The following MED13L variants were observed in gnomAD, a reference collection of about 807,000 sequenced individuals.
MED13L encodes the protein mediator of RNA polymerase II transcription subunit 13-like.
In MED13L, 7 loss-of-function variants were observed where a neutral mutation model predicts 220.9. That is an observed-to-expected ratio of 0.03 (90% CI 0.02 to 0.06). The LOEUF (loss-of-function observed/expected upper bound fraction) is 0.06, where lower values mean the gene tolerates loss of function less well. Among genes scored for constraint, MED13L ranks in the 10% least tolerant of loss-of-function variants. The pLI, the probability that MED13L is intolerant of heterozygous loss-of-function variation, is 1.00. For missense variants in MED13L, 1,965 were observed against 2,760.5 expected (o/e 0.71, Z 6.46); for synonymous variants, 1,011 against 1,015.2 (o/e 1.00, Z 0.08).
At chr12:116,034,745 C>T (rs549945477) in intron 4 of MED13L, among the ~76,000 whole-genome samples, 108 of 152,304 alleles carry the variant, frequency 7.1e-4, no homozygotes, top group Non-Finnish European at 1.4e-3. Context: ...CTGGGTCACA[C>T]CTGTAATCCC....
chr12:115,961,965 C>CAA (rs1291814238), intron 30 of MED13L, among the ~76,000 whole-genome samples: 1 of 116,930 alleles, frequency 8.6e-6, no homozygotes. Context: ...ACTCCGTCTC[C>CAA]AAAAAAAAAA....
chr12:116,010,610 G>A (rs902014032), intron 9 of MED13L, among the ~76,000 whole-genome samples: 1 of 152,134 alleles, frequency 6.6e-6, no homozygotes, highest in African/African-American at 2.4e-5. Context: ...GCAGGCAGTG[G>A]GAAAATCAGA....
chr12:116,119,823 AAAAAAAAAAAAAAAAAT>A (rs1326107323), intron 2 of MED13L, among the ~76,000 whole-genome samples: 1 of 104,782 alleles, frequency 9.5e-6, no homozygotes, highest in Non-Finnish European at 2.0e-5. Context: ...AAAAAAAAAA[AAAAAAAAAAAAAAAAAT>A]ATATATATAT....
chr12:115,990,652 T>C (rs1592922784), intron 17 of MED13L, among the ~76,000 whole-genome samples: 1 of 152,076 alleles, frequency 6.6e-6, no homozygotes, highest in African/African-American at 2.4e-5. Flanking sequence ...ATGGAAGAGG[T>C]TCCTTGGAAA....
chr12:116,172,108 T>A lies in MED13L; in HGVS notation c.311-60596A>T, dbSNP rs1159740692. ...TAAAACTGCAGCTCATCATTCTGGT[T>A]CAAACAACTCAATGAAGATCCACTT... On this transcript the variant is annotated intron_variant, in intron 2 of 30. Coordinates refer to ENST00000281928, the MANE Select transcript of MED13L (RefSeq NM_015335.5). 2.6e-5 allele frequency among the ~76,000 whole-genome samples: 4 copies of A among 152,146 alleles called. No individual in the cohort carries two copies. The East Asian group carries it at 7.7e-4, about 29-fold the overall frequency.
chr12:116,182,007 T>C (rs1593138421), intron 2 of MED13L, among the ~76,000 whole-genome samples: 1 of 152,196 alleles, frequency 6.6e-6, no homozygotes, highest in Non-Finnish European at 1.5e-5. Flanking sequence ...GCTGTTTCCA[T>C]AGTGAAGTCT....
intron 14 of MED13L, among the ~76,000 whole-genome samples, chr12:115,998,814 T>C (rs1398849780): frequency 6.6e-6 from 1 of 152,214 alleles, no homozygotes; most frequent in Non-Finnish European, 1.5e-5. Context: ...CCATTAGCGA[T>C]GCTCCACTGC....
At chr12:116,058,325 C>CTTCCA in intron 4 of MED13L, among the ~76,000 whole-genome samples, 1 of 152,172 alleles carries the variant, frequency 6.6e-6, no homozygotes, top group East Asian at 1.9e-4. Context: ...AAACAATATG[C>CTTCCA]TTCCATGTGT....
At chr12:116,185,729 C>T (rs186449328) in intron 2 of MED13L, among the ~76,000 whole-genome samples, 1 of 149,072 alleles carries the variant, frequency 6.7e-6, no homozygotes, top group African/African-American at 2.5e-5. Flanking sequence ...AAGAGTCTCG[C>T]TCTGTCACCC....
Position 115,975,737 on chromosome 12 carries a change from C to G in MED13L, c.5366G>C (p.Arg1789Pro), listed in dbSNP as rs771203651. 2 of 1,613,398 alleles carry G rather than the reference C, an allele frequency of 1.2e-6. No homozygotes were observed. The highest frequency in any genetic ancestry group is 1.7e-6 in the Non-Finnish European group (2 of 1,179,868). Residue 1789 changes from arginine (R) to proline (P), a missense_variant and splice_region_variant, in exon 24 of 31, where the codon CGG becomes CCG. This residue lies in a region of MED13L where 510 missense variants were observed against 620.4 expected (regional missense o/e 0.82). Coordinates refer to ENST00000281928, the MANE Select transcript of MED13L (RefSeq NM_015335.5). ...SIEMTLKNPE[R>P]PSPIQLYSPP... ...GGAGTAAAGCTGGATTGGGCTGGGC[C>G]GCTGAAATCAAAACCAAAATCAATA...
At chr12:116,062,696 C>A (rs1439285421) in intron 4 of MED13L, among the ~76,000 whole-genome samples, 1 of 152,052 alleles carries the variant, frequency 6.6e-6, no homozygotes. Context: ...CCATATTGGC[C>A]AGGATGGTCT....
chr12:116,061,032 T>C (rs1869430265), intron 4 of MED13L, among the ~76,000 whole-genome samples: 1 of 152,166 alleles, frequency 6.6e-6, no homozygotes, highest in Non-Finnish European at 1.5e-5. Flanking sequence ...GAGACTCCAC[T>C]CATGCCAATA....
At chr12:116,273,894 T>C (rs1873599393) in intron 1 of MED13L, among the ~76,000 whole-genome samples, 1 of 152,232 alleles carries the variant, frequency 6.6e-6, no homozygotes, top group South Asian at 2.1e-4. Flanking sequence ...CTCACAAGAA[T>C]GAGTTCACAT....
rs1280691679 is a variant in MED13L at position 115,996,554 on chromosome 12, C to T, written c.2918G>A (p.Arg973Gln). ...TTTAGGAGGAATTGCCCATGAAGGC[C>T]GAAACAGACAGGCATCAGGTATCTT... ...PLKIPDACLF[R>Q]PSWAIPPKIE... The change falls in exon 16 of 31, where the codon CGG becomes CAG. Residue 973 changes from arginine (R) to glutamine (Q), a missense_variant. Around this residue, in one of 10 missense-constraint regions of MED13L, gnomAD observed 233 missense variants for 306.2 expected, o/e 0.76. Transcript: ENST00000281928. The T allele has an allele frequency of 3.1e-6, 5 of 1,613,948 alleles. No homozygotes were observed. The highest frequency in any genetic ancestry group is 2.2e-5 in the East Asian group (1 of 44,882).
intron 30 of MED13L, chr12:115,962,811 T>G (rs937209905): frequency 1.2e-5 from 2 of 162,254 alleles, no homozygotes; most frequent in African/African-American, 4.8e-5. Flanking sequence ...GATCATGAGG[T>G]CAGATCGAGA....
Position 116,277,017 on chromosome 12 carries a change from C to CG in MED13L, c.72+42_72+43insC, listed in dbSNP as rs764028243. Reference sequence around the variant, plus strand: ...CGGCGGCGGAGGTCGGGGACCCCCCCCCTTCCCCGGCACAGCCCCCTCCCC... The same window carrying CG: ...CGGCGGCGGAGGTCGGGGACCCCCCCGCCTTCCCCGGCACAGCCCCCTCCCC... On this transcript the variant is annotated intron_variant, in intron 1 of 30. Transcript: ENST00000281928. 1.4e-4 allele frequency: 189 copies of CG among 1,399,198 alleles called. 1 individual carries two copies. The East Asian group carries it at 4.5e-3, about 33-fold the overall frequency. The allele number at this position is 1,399,198 out of a possible 1,614,324, so 86.7% of individuals were successfully genotyped here.
rs190534552 is a variant in MED13L at position 116,151,689 on chromosome 12, T to C, written c.311-40177A>G. Among the ~76,000 whole-genome samples, 495 of 152,350 alleles carry C rather than the reference T, an allele frequency of 3.2e-3. 3 individuals carry two copies. Among genetic ancestry groups the C allele is most frequent in the Non-Finnish European group, 5.0e-3 (342 of 68,034 alleles). On this transcript the variant is annotated intron_variant, in intron 2 of 30. Coordinates refer to ENST00000281928, the MANE Select transcript of MED13L (RefSeq NM_015335.5). ...TGTGCAAAAATAAAATGATGCCATC[T>C]GTCTATAGCGGCTATGGGAACCATA... is the stretch of plus-strand genomic sequence containing the variant.
intron 2 of MED13L, among the ~76,000 whole-genome samples, chr12:116,129,871 G>A (rs570989536): frequency 2.0e-5 from 3 of 150,760 alleles, no homozygotes; most frequent in East Asian, 2.0e-4. Context: ...ATCGTGCCAC[G>A]GCACTCCAGC....
At chr12:116,020,008 G>A (rs1879963339) in intron 5 of MED13L, 36 bp from the exon 6 acceptor site, 1 of 1,572,098 alleles carries the variant, frequency 6.4e-7, no homozygotes, top group Admixed American at 1.7e-5. Context: ...CTAAACATTA[G>A]AGAAATAATT....
Sources: allele counts gnomAD v4.1 joint callset (sites outside exome capture counted in the v4.1 genomes callset), GRCh38; gene constraint gnomAD v4.1.1; regional missense constraint gnomAD v4.1.1; transcripts MANE v1.5; gene names NCBI Gene and HGNC (gene_info 2026-07-23, HGNC 2026-07-21).